The following SLC2A13 variants were observed in gnomAD, a reference collection of about 807,000 sequenced individuals.
SLC2A13 encodes proton myo-inositol cotransporter.
In SLC2A13, 32 loss-of-function variants were observed where a neutral mutation model predicts 64.4. The observed-to-expected ratio is 0.50, with a 90% confidence interval of 0.37 to 0.67. SLC2A13 has a LOEUF of 0.67. SLC2A13 is among the 30% of genes least tolerant of loss of function. SLC2A13 has a pLI of 0.00. For synonymous variants in SLC2A13, 338 were observed against 327.1 expected (o/e 1.03, Z -0.36); for missense variants, 743 against 829.2 (o/e 0.90, Z 1.28).
intron 7 of SLC2A13, among the ~76,000 whole-genome samples, chr12:39,805,105 G>A (rs556935896): frequency 8.0e-6 from 1 of 125,436 alleles, no homozygotes; most frequent in South Asian, 3.1e-4. Flanking sequence ...CATCAGTGAC[G>A]ACAATGGAGG....
At chr12:39,952,157 A>C (rs1344716099) in intron 3 of SLC2A13, among the ~76,000 whole-genome samples, 6 of 152,302 alleles carry the variant, frequency 3.9e-5, no homozygotes, top group Admixed American at 3.9e-4. Flanking sequence ...TAGGTTGACT[A>C]ACCTTATTGA....
chr12:39,863,328 T>C (rs1008221347), intron 6 of SLC2A13, among the ~76,000 whole-genome samples: 2 of 152,276 alleles, frequency 1.3e-5, no homozygotes, highest in South Asian at 4.1e-4. Flanking sequence ...AGGAAAACTA[T>C]TTCATTATGT....
At chr12:40,005,005 G>T (rs954246569) in intron 3 of SLC2A13, among the ~76,000 whole-genome samples, 1 of 152,092 alleles carries the variant, frequency 6.6e-6, no homozygotes, top group Non-Finnish European at 1.5e-5. Context: ...GAGGTGGCGG[G>T]GGAAGAAAAT....
intron 7 of SLC2A13, among the ~76,000 whole-genome samples, chr12:39,793,000 T>C (rs1356246862): frequency 6.6e-6 from 1 of 152,164 alleles, no homozygotes; most frequent in Admixed American, 6.6e-5. Context: ...TTTCTATGAC[T>C]GGTTAACAAA....
chr12:40,072,409 T>A (rs899698659), intron 1 of SLC2A13, among the ~76,000 whole-genome samples: 1 of 152,140 alleles, frequency 6.6e-6, no homozygotes, highest in African/African-American at 2.4e-5. Context: ...TCCAGTTGAG[T>A]AATGGTGTTG....
chr12:40,016,363 A>T (rs574092801), intron 3 of SLC2A13, among the ~76,000 whole-genome samples: 5 of 152,340 alleles, frequency 3.3e-5, no homozygotes, highest in Admixed American at 3.3e-4. Context: ...TAAAATTAAA[A>T]TATTTTTCAC....
intron 3 of SLC2A13, among the ~76,000 whole-genome samples, chr12:40,006,223 TA>T (rs1462953970): frequency 6.6e-6 from 1 of 152,204 alleles, no homozygotes; most frequent in African/African-American, 2.4e-5. Flanking sequence ...AATACAATAT[TA>T]TTTTTTTCCA....
chr12:40,053,008 GCA>G (rs2136242429), intron 1 of SLC2A13, among the ~76,000 whole-genome samples: 1 of 152,086 alleles, frequency 6.6e-6, no homozygotes, highest in Non-Finnish European at 1.5e-5. Context: ...CAGGCTGGGC[GCA>G]GTTTGTTCAT....
intron 1 of SLC2A13, among the ~76,000 whole-genome samples, chr12:40,099,017 C>G (rs777871988): frequency 6.6e-6 from 1 of 152,238 alleles, no homozygotes; most frequent in Non-Finnish European, 1.5e-5. Context: ...AACGATGCTC[C>G]TGCCACGTGG....
At chr12:39,964,315 A>G (rs1454782274) in intron 3 of SLC2A13, among the ~76,000 whole-genome samples, 1 of 152,238 alleles carries the variant, frequency 6.6e-6, no homozygotes. Context: ...TCATTAAATA[A>G]AGAGAGAGTA....
intron 1 of SLC2A13, among the ~76,000 whole-genome samples, chr12:40,081,867 C>A (rs1938415102): frequency 6.6e-6 from 1 of 152,050 alleles, no homozygotes. Flanking sequence ...TTTTTATATT[C>A]TTTGATGCCC....
chr12:39,835,043 G>A (rs1018330486), intron 6 of SLC2A13, among the ~76,000 whole-genome samples: 1 of 151,996 alleles, frequency 6.6e-6, no homozygotes, highest in Non-Finnish European at 1.5e-5. Flanking sequence ...ATTTCGGTAA[G>A]GTTTTCTAAA....
intron 4 of SLC2A13, among the ~76,000 whole-genome samples, chr12:39,917,773 G>T (rs1945545352): frequency 6.6e-6 from 1 of 151,862 alleles, no homozygotes; most frequent in African/African-American, 2.4e-5. Context: ...CTCTATAATT[G>T]TGTGAGCCAT....
chr12:39,979,352 G>T (rs1946840233), intron 3 of SLC2A13, among the ~76,000 whole-genome samples: 1 of 149,248 alleles, frequency 6.7e-6, no homozygotes, highest in South Asian at 2.2e-4. Flanking sequence ...AGAGAAGAAG[G>T]CTTCAGACGA....
At chr12:39,872,428 G>A (rs1178066425) in intron 4 of SLC2A13, among the ~76,000 whole-genome samples, 3 of 152,074 alleles carry the variant, frequency 2.0e-5, no homozygotes, top group African/African-American at 4.8e-5. Context: ...GTGAAGGAAC[G>A]CCTCAAAAAA....
chr12:39,919,066 C>T (rs192652598), intron 4 of SLC2A13, among the ~76,000 whole-genome samples: 26 of 151,740 alleles, frequency 1.7e-4, no homozygotes, highest in Admixed American at 9.8e-4. Context: ...CTGCCACCTC[C>T]GTCTACTGGG....
chr12:39,910,241 G>A (rs1945398369), intron 4 of SLC2A13, among the ~76,000 whole-genome samples: 1 of 151,992 alleles, frequency 6.6e-6, no homozygotes, highest in South Asian at 2.1e-4. Context: ...CTTTAATAAT[G>A]GCTGTATTTT....
intron 7 of SLC2A13, among the ~76,000 whole-genome samples, chr12:39,824,766 G>A (rs1052223978): frequency 6.6e-6 from 1 of 152,100 alleles, no homozygotes. Flanking sequence ...GTGCTAGAGG[G>A]CAGCAGGAGA....
At chr12:39,968,749 G>GTT (rs10634186) in intron 3 of SLC2A13, among the ~76,000 whole-genome samples, 47,170 of 107,874 alleles carry the variant, frequency 0.44, 11,726 homozygotes, top group Non-Finnish European at 0.52. Flanking sequence ...TATTTTTGTT[G>GTT]TTTTTTTTTG....
Sources: allele counts gnomAD v4.1 joint callset (sites outside exome capture counted in the v4.1 genomes callset), GRCh38; gene constraint gnomAD v4.1.1; transcripts MANE v1.5; gene names NCBI Gene and HGNC (gene_info 2026-07-23, HGNC 2026-07-21).